The following PCDHA2 variants were observed in gnomAD, a reference collection of about 807,000 sequenced individuals.
PCDHA2 encodes protocadherin alpha 2, also known as protocadherin alpha-2.
PCDHA2 carries 58 observed loss-of-function variants against 66.0 expected under a neutral mutation model. The ratio of observed to expected loss-of-function variants is 0.88; its 90% CI spans 0.71 to 1.09. The LOEUF is 1.09. Among genes scored for constraint, PCDHA2 ranks in the 50% least tolerant of loss-of-function variants. The pLI, the probability that PCDHA2 is intolerant of heterozygous loss-of-function variation, is 0.00. For synonymous variants in PCDHA2, 634 were observed against 554.0 expected (o/e 1.14, Z -2.03); for missense variants, 1,267 against 1,242.3 (o/e 1.02, Z -0.30).
Position 140,821,983 on chromosome 5 carries a change from C to G in PCDHA2, c.2388+24631C>G. 6.2e-7 allele frequency: 1 copy of G among 1,614,148 alleles called. No individual in the cohort carries two copies. On this transcript the variant is annotated intron_variant, in intron 1 of 3. Coordinates refer to ENST00000526136, the MANE Select transcript of PCDHA2 (RefSeq NM_018905.3). ...CCTGTTCCGGGTGGCGTCCAAGGGC[C>G]GCGGGGACCTTCTGGAGGTAAATCT...
chr5:140,848,473 T>C lies in PCDHA2; in HGVS notation c.2388+51121T>C, dbSNP rs2150410947. 9.6e-6 allele frequency: 15 copies of C among 1,556,324 alleles called. No individual in the cohort carries two copies. In the East Asian group the frequency reaches 3.4e-4, roughly 35 times the overall value. On this transcript the variant is annotated intron_variant, in intron 1 of 3. Transcript: ENST00000526136. ...TAATTTGGAGGCAATTTTCACTAATTAGAAGAAGACTGAGTATTTGAAATG... is the reference window on the plus strand; with the variant it reads ...TAATTTGGAGGCAATTTTCACTAATCAGAAGAAGACTGAGTATTTGAAATG...
intron 2 of PCDHA2, 164 bp downstream of exon 2, chr5:140,979,171 C>T (rs1586797637): frequency 4.2e-6 from 4 of 960,866 alleles, no homozygotes; most frequent in South Asian, 4.8e-5. Context: ...CTTGAAAGAT[C>T]GCAAATGGTC....
rs782621350 is a variant in PCDHA2 at position 140,876,591 on chromosome 5, C to T, written c.2388+79239C>T. ...TGGGTACCGTCATTGCCCTGATTAG[C>T]GTGTCGGATCGTGACTCTGGAGCCA... On this transcript the variant is annotated intron_variant, in intron 1 of 3. Transcript: ENST00000526136. 9.5e-5 allele frequency: 153 copies of T among 1,614,058 alleles called. 1 individual carries two copies. The highest frequency in any genetic ancestry group is 8.2e-4 in the Middle Eastern group (5 of 6,082).
chr5:140,928,974 A>G (rs772759035), intron 1 of PCDHA2: 2 of 1,613,574 alleles, frequency 1.2e-6, no homozygotes, highest in Non-Finnish European at 1.7e-6. Flanking sequence ...TTTCCTTTTT[A>G]TTTCTGGGGT....
intron 1 of PCDHA2, chr5:140,852,540 T>C (rs2042365711): frequency 9.3e-6 from 5 of 536,720 alleles, no homozygotes; most frequent in Non-Finnish European, 1.2e-5. Flanking sequence ...CCTCCCAAAG[T>C]GCTGGGATTA....
intron 1 of PCDHA2, chr5:140,871,449 G>T (rs782722272): frequency 2.7e-5 from 43 of 1,608,644 alleles, no homozygotes; most frequent in Non-Finnish European, 3.7e-5. Flanking sequence ...TGAATAAAGA[G>T]GAGGAAGGGG....
chr5:140,843,004 C>T (rs2150349830), intron 1 of PCDHA2: 21 of 1,595,032 alleles, frequency 1.3e-5, no homozygotes, highest in Admixed American at 1.0e-4. Flanking sequence ...AGAATGACAA[C>T]GCGCCGGCAC....
At chr5:140,939,285 T>A (rs2092357056) in intron 1 of PCDHA2, among the ~76,000 whole-genome samples, 1 of 152,108 alleles carries the variant, frequency 6.6e-6, no homozygotes, top group Admixed American at 6.5e-5. Flanking sequence ...GCCCTCGTGA[T>A]CTAATCATCT....
chr5:140,870,708 C>T (rs781841032), intron 1 of PCDHA2: 4 of 1,612,898 alleles, frequency 2.5e-6, no homozygotes, highest in Admixed American at 1.7e-5. Context: ...TCCAGGTGAG[C>T]GCGCGCGATG....
chr5:140,812,657 A>G (rs1192812490), intron 1 of PCDHA2: 1 of 152,140 alleles, frequency 6.6e-6, no homozygotes, highest in Non-Finnish European at 1.5e-5. Flanking sequence ...ACAAGATCTC[A>G]CTATGATGTA....
intron 1 of PCDHA2, chr5:140,967,846 C>A: frequency 6.2e-7 from 1 of 1,614,166 alleles, no homozygotes; most frequent in Non-Finnish European, 8.5e-7. Context: ...ACGTGAATGA[C>A]AATGCCCCAG....
intron 3 of PCDHA2, among the ~76,000 whole-genome samples, chr5:140,993,108 G>A (rs1554253416): frequency 6.6e-6 from 1 of 152,202 alleles, no homozygotes; most frequent in African/African-American, 2.4e-5. Flanking sequence ...TCAGCGGTCA[G>A]TGTCACATCA....
intron 3 of PCDHA2, among the ~76,000 whole-genome samples, chr5:140,998,401 CA>C (rs2097811473): frequency 6.6e-6 from 1 of 152,108 alleles, no homozygotes; most frequent in African/African-American, 2.4e-5. Context: ...ATCTTTATGC[CA>C]AAGTTTATCT....
In PCDHA2 at chr5:140,857,008, T is replaced by C. The variant is rs2044317901; in HGVS notation, c.2388+59656T>C. On this transcript the variant is annotated intron_variant, in intron 1 of 3. Transcript: ENST00000526136. The stretch of plus-strand genomic sequence containing the variant: ...GTAACACTTATGAAATTCATGTAGA[T>C]GTTACAGATAAGGGAAACCCACCTA... 4 of 1,595,746 alleles carry C rather than the reference T, an allele frequency of 2.5e-6. 1 individual carries two copies. Among genetic ancestry groups the C allele is most frequent in the Non-Finnish European group, 3.4e-6 (4 of 1,165,590 alleles).
chr5:140,885,998 A>G (rs2060805032), intron 1 of PCDHA2, among the ~76,000 whole-genome samples: 1 of 152,190 alleles, frequency 6.6e-6, no homozygotes, highest in Non-Finnish European at 1.5e-5. Context: ...GTTGAAAGAA[A>G]TAGTAAAGGG....
intron 1 of PCDHA2, chr5:140,822,291 TC>T (rs2150115255): frequency 2.5e-6 from 4 of 1,614,198 alleles, no homozygotes; most frequent in Non-Finnish European, 3.4e-6. Context: ...ACAGGTTAAA[TC>T]CAAACGAATA....
chr5:140,988,062 A>G (rs1032842011), intron 3 of PCDHA2, among the ~76,000 whole-genome samples: 1 of 152,114 alleles, frequency 6.6e-6, no homozygotes, highest in Non-Finnish European at 1.5e-5. Context: ...GTCAACATGA[A>G]TTTTTCTATT....
intron 1 of PCDHA2, among the ~76,000 whole-genome samples, chr5:140,892,939 C>G (rs1583111138): frequency 6.6e-6 from 1 of 152,188 alleles, no homozygotes; most frequent in Non-Finnish European, 1.5e-5. Context: ...CTGATAAGCA[C>G]AATACTACTT....
At chr5:140,808,867 C>A (rs782544974) in intron 1 of PCDHA2, 1 of 1,613,062 alleles carries the variant, frequency 6.2e-7, no homozygotes, top group Admixed American at 1.7e-5. Context: ...ACGAAAACGA[C>A]AACGCGCCAG....
Sources: allele counts gnomAD v4.1 joint callset (sites outside exome capture counted in the v4.1 genomes callset), GRCh38; gene constraint gnomAD v4.1.1; transcripts MANE v1.5; gene names NCBI Gene and HGNC (gene_info 2026-07-23, HGNC 2026-07-21).